Variants in DRD2 observed in about 807,000 individuals in gnomAD.
DRD2 encodes the protein dopamine receptor D2.
A neutral mutation model predicts 38.0 loss-of-function variants in DRD2; 8 were observed. The observed-to-expected ratio is 0.21, with a 90% CI of 0.12 to 0.38. DRD2 has a LOEUF of 0.38. DRD2 is among the 10% of genes least tolerant of loss of function. DRD2 has a pLI of 1.00. For missense variants in DRD2, 403 were observed against 607.7 expected, an observed-to-expected ratio of 0.66 and a Z score of 3.54; for synonymous variants, 230 against 238.6, an observed-to-expected ratio of 0.96 and a Z score of 0.33.
At chr11:113,467,545 A>C (rs1951381946) in intron 1 of DRD2, among the ~76,000 whole-genome samples, 1 of 152,186 alleles carries the variant, frequency 6.6e-6, no homozygotes, top group Non-Finnish European at 1.5e-5. Context: ...GGCCCTTTCA[A>C]TCTGGGAAAA....
intron 1 of DRD2, among the ~76,000 whole-genome samples, chr11:113,446,556 G>A (rs1269360221): frequency 2.0e-5 from 3 of 152,220 alleles, no homozygotes; most frequent in Admixed American, 2.0e-4. Context: ...TGGCAGTGGA[G>A]GATGGAAGAC....
intron 1 of DRD2, among the ~76,000 whole-genome samples, chr11:113,444,809 T>C (rs2119872759): frequency 6.6e-6 from 1 of 152,300 alleles, no homozygotes; most frequent in Non-Finnish European, 1.5e-5. Flanking sequence ...AGGTACTAGC[T>C]CGACAGCTGG....
At chr11:113,416,308 G>C (rs1009686733) in intron 4 of DRD2, among the ~76,000 whole-genome samples, 1 of 152,148 alleles carries the variant, frequency 6.6e-6, no homozygotes, top group African/African-American at 2.4e-5. Context: ...CCACGCTGGC[G>C]GGGGCTTTGT....
chr11:113,410,786 T>C lies in DRD2; in HGVS notation c.1273A>G (p.Ile425Val). Reference protein sequence around the residue: ...GYVNSAVNPIIYTTFNIEFRK... With the variant: ...GYVNSAVNPIVYTTFNIEFRK... ...AACTCAATGTTGAAGGTGGTGTAGA[T>C]GATGGGGTTCACGGCGCTGTTGACA... Residue 425 changes from isoleucine (I) to valine (V), a missense_variant, in exon 8 of 8, where the codon ATC becomes GTC. Ile to Val is a conservative substitution (Grantham distance 29). Transcript: ENST00000362072. The C allele has an allele frequency of 6.2e-7, 1 of 1,614,040 alleles. No homozygotes were observed. The highest frequency in any genetic ancestry group is 2.2e-5 in the East Asian group (1 of 44,870).
At chr11:113,452,477 CGCGCGCGCGCACATTGGG>C (rs1951224539) in intron 1 of DRD2, among the ~76,000 whole-genome samples, 1 of 87,690 alleles carries the variant, frequency 1.1e-5, no homozygotes, top group African/African-American at 4.0e-5. Flanking sequence ...TGTGCGCGCG[CGCGCGCGCGCACATTGGG>C]GGACAGGAAA....
intron 2 of DRD2, among the ~76,000 whole-genome samples, chr11:113,419,530 T>G (rs1467905947): frequency 9.6e-6 from 1 of 104,032 alleles, no homozygotes; most frequent in Non-Finnish European, 1.8e-5. Flanking sequence ...AGGCACACAC[T>G]CATGGCAGAT....
intron 1 of DRD2, among the ~76,000 whole-genome samples, chr11:113,470,459 G>A (rs1397928553): frequency 3.3e-5 from 5 of 152,150 alleles, no homozygotes; most frequent in Non-Finnish European, 5.9e-5. Context: ...AGGTCTGCCT[G>A]ACTTCCCTTA....
intron 1 of DRD2, among the ~76,000 whole-genome samples, chr11:113,459,979 G>T (rs915070386): frequency 1.3e-5 from 2 of 152,186 alleles, no homozygotes; most frequent in African/African-American, 2.4e-5. Context: ...TGGGCAGTGG[G>T]CCCCAAGGAA....
chr11:113,412,754 C>T lies in DRD2; in HGVS notation c.940G>A (p.Gly314Ser), dbSNP rs770907631. 24 of 1,613,692 alleles carry T rather than the reference C, an allele frequency of 1.5e-5. No homozygotes were observed. Among genetic ancestry groups the T allele is most frequent in the Non-Finnish European group, 1.4e-5 (17 of 1,179,898 alleles). The change falls in exon 7 of 8, where the codon GGT becomes AGT. Residue 314 changes from glycine to serine, a missense_variant. Physicochemically the swap from Gly to Ser is moderately conservative, Grantham distance 56. Coordinates refer to ENST00000362072, the MANE Select transcript of DRD2 (RefSeq NM_000795.4). ...GGGCTGTCGGGAGTGCTGTGGAGAC[C>T]ATGGTGGGACGGGTCGGGGAGAGTC... ...QLTLPDPSHHGLHSTPDSPAK... is the reference protein window; with the variant it reads ...QLTLPDPSHHSLHSTPDSPAK...
intron 1 of DRD2, among the ~76,000 whole-genome samples, chr11:113,455,070 C>T (rs973114699): frequency 2.6e-5 from 4 of 152,034 alleles, no homozygotes; most frequent in South Asian, 2.1e-4. Context: ...TGATCTGGGC[C>T]GGGCACGGTG....
intron 1 of DRD2, among the ~76,000 whole-genome samples, chr11:113,464,431 C>G (rs1183084766): frequency 1.3e-5 from 2 of 152,322 alleles, no homozygotes; most frequent in East Asian, 3.9e-4. Context: ...CTCTTTGTCA[C>G]TGCCATCCAT....
At chr11:113,428,400 C>G (rs920650980) in intron 1 of DRD2, among the ~76,000 whole-genome samples, 5 of 152,196 alleles carry the variant, frequency 3.3e-5, no homozygotes, top group African/African-American at 9.7e-5. Context: ...CCAGGGAAAG[C>G]AGCGAGGCCT....
In DRD2 at chr11:113,412,833, G is replaced by A; in HGVS notation, c.861C>T (p.Thr287=). 1 of 1,613,092 alleles carries A rather than the reference G, an allele frequency of 6.2e-7. No homozygotes were observed. The highest frequency in any genetic ancestry group is 8.5e-7 in the Non-Finnish European group (1 of 1,179,744). ...QELEMEMLSS[T]SPPERTRYSP... ...TGTACCGGGTCCTCTCGGGTGGGCTGGTGCTGGAGAGCATCTCCATCTCCA... is the reference window on the plus strand; with the variant it reads ...TGTACCGGGTCCTCTCGGGTGGGCTAGTGCTGGAGAGCATCTCCATCTCCA... Residue 287 remains threonine (T), a synonymous_variant, in exon 7 of 8, where the codon ACC becomes ACT. Coordinates refer to ENST00000362072, the MANE Select transcript of DRD2 (RefSeq NM_000795.4).
chr11:113,441,880 G>A (rs1342524490), intron 1 of DRD2, among the ~76,000 whole-genome samples: 1 of 151,710 alleles, frequency 6.6e-6, no homozygotes, highest in East Asian at 1.9e-4. Flanking sequence ...CCAGGGCGGT[G>A]GAGGTTGCAG....
At chr11:113,413,849 C>T (rs770208536) in intron 6 of DRD2, 8 of 221,544 alleles carry the variant, frequency 3.6e-5, no homozygotes, top group Non-Finnish European at 6.3e-5. Context: ...CACCAGTCCC[C>T]GCAGCTGCTC....
chr11:113,441,788 T>C (rs755464971), intron 1 of DRD2, among the ~76,000 whole-genome samples: 1 of 152,050 alleles, frequency 6.6e-6, no homozygotes, highest in African/African-American at 2.4e-5. Flanking sequence ...ATCAAGACCA[T>C]CCTGGCTAAC....
At chr11:113,462,484 A>T (rs1373829117) in intron 1 of DRD2, among the ~76,000 whole-genome samples, 1 of 152,230 alleles carries the variant, frequency 6.6e-6, no homozygotes, top group Non-Finnish European at 1.5e-5. Flanking sequence ...AGAGACAATC[A>T]TGTGAAGACA....
In DRD2 at chr11:113,413,075, G is replaced by A. The variant is rs551053878; in HGVS notation, c.811-192C>T. Among the ~76,000 whole-genome samples, 6 of 151,692 alleles carry A rather than the reference G, an allele frequency of 4.0e-5. No individual in the cohort carries two copies. In the South Asian group the frequency reaches 1.0e-3, roughly 26 times the overall value. ...TGGCAGCCCCTGCAGGATTGCCCCTGTCCTTTTTCCCATGGCAATCCTCAT... is the reference window on the plus strand; with the variant it reads ...TGGCAGCCCCTGCAGGATTGCCCCTATCCTTTTTCCCATGGCAATCCTCAT... On this transcript the variant is annotated intron_variant, in intron 6 of 7. Transcript: ENST00000362072.
At chr11:113,437,630 G>A (rs1951050958) in intron 1 of DRD2, among the ~76,000 whole-genome samples, 1 of 152,118 alleles carries the variant, frequency 6.6e-6, no homozygotes, top group Admixed American at 6.5e-5. Flanking sequence ...GGAGCTCCGA[G>A]GAGCACAGGG....
Sources: allele counts gnomAD v4.1 joint callset (sites outside exome capture counted in the v4.1 genomes callset), GRCh38; gene constraint gnomAD v4.1.1; transcripts MANE v1.5; gene names NCBI Gene and HGNC (gene_info 2026-07-23, HGNC 2026-07-21).